The following COMMD7 variants were observed in gnomAD, a reference collection of about 807,000 sequenced individuals.
COMMD7 encodes the protein COMM domain-containing protein 7.
COMMD7 carries 28 observed loss-of-function variants against 34.8 expected under a neutral mutation model. The ratio of observed to expected loss-of-function variants is 0.80; its 90% CI spans 0.60 to 1.10. COMMD7 has a LOEUF of 1.10. Among genes scored for constraint, COMMD7 ranks in the 50% least tolerant of loss-of-function variants. COMMD7 has a pLI of 0.00. For missense variants in COMMD7, 211 were observed against 241.6 expected (o/e 0.87, Z 0.84); for synonymous variants, 80 against 86.4 (o/e 0.93, Z 0.41).
intron 3 of COMMD7, among the ~76,000 whole-genome samples, chr20:32,709,889 CTT>C (rs77153527): frequency 1.1e-4 from 15 of 142,672 alleles, no homozygotes; most frequent in Admixed American, 1.4e-4. Flanking sequence ...TCTTTTTTTA[CTT>C]TTTTTTTTTT....
chr20:32,736,661 C>T (rs1485687003), intron 1 of COMMD7, among the ~76,000 whole-genome samples: 1 of 151,846 alleles, frequency 6.6e-6, no homozygotes, highest in Non-Finnish European at 1.5e-5. Flanking sequence ...TACAGCGAGA[C>T]TCTGACTCAA....
rs1045420882 is a variant in COMMD7, at chr20:32,726,928, C to T, written c.241+965G>A. ...AGAAGCAAACAAATTAAACCCCCAA[C>T]TTCTAATACACTTGAACTGAACCTG... is the stretch of plus-strand genomic sequence containing the variant. On this transcript the variant is annotated intron_variant, in intron 3 of 8. Transcript: ENST00000278980. 2.6e-5 allele frequency among the ~76,000 whole-genome samples: 4 copies of T among 152,116 alleles called. No individual in the cohort carries two copies. The East Asian group carries it at 7.7e-4, about 29-fold the overall frequency.
intron 5 of COMMD7, among the ~76,000 whole-genome samples, chr20:32,705,376 A>ATTT (rs200183828): frequency 4.8e-5 from 6 of 125,452 alleles, no homozygotes; most frequent in South Asian, 2.4e-4. Flanking sequence ...ATATATATAT[A>ATTT]TTTTTTTTTT....
chr20:32,718,402 T>C (rs1248112915), intron 3 of COMMD7, among the ~76,000 whole-genome samples: 1 of 143,596 alleles, frequency 7.0e-6, no homozygotes, highest in African/African-American at 2.6e-5. Flanking sequence ...AAACTCCATC[T>C]AAAAAAAAAA....
At chr20:32,730,624 G>A (rs1041052744) in intron 1 of COMMD7, among the ~76,000 whole-genome samples, 40 of 152,216 alleles carry the variant, frequency 2.6e-4, no homozygotes, top group African/African-American at 9.6e-4. Flanking sequence ...AAACCAGGAT[G>A]CCAGGGTTTA....
intron 1 of COMMD7, among the ~76,000 whole-genome samples, chr20:32,736,656 C>A (rs1423364429): frequency 6.6e-6 from 1 of 151,638 alleles, no homozygotes; most frequent in African/African-American, 2.4e-5. Context: ...GGTGATACAG[C>A]GAGACTCTGA....
intron 3 of COMMD7, among the ~76,000 whole-genome samples, chr20:32,709,672 C>T (rs1354486955): frequency 6.6e-6 from 1 of 152,146 alleles, no homozygotes; most frequent in Non-Finnish European, 1.5e-5. Context: ...TTGTACAACA[C>T]CCTGCATGCT....
At chr20:32,703,770 T>G (rs966253642) in intron 8 of COMMD7, 1 of 1,491,946 alleles carries the variant, frequency 6.7e-7, no homozygotes, top group Middle Eastern at 2.3e-4. Flanking sequence ...ACCTTCTTCT[T>G]CAATCCCAGC....
chr20:32,704,395 C>A, intron 7 of COMMD7, 45 bp downstream of exon 7: 1 of 1,544,756 alleles, frequency 6.5e-7, no homozygotes, highest in South Asian at 1.2e-5. Context: ...AATTTTTAAC[C>A]AAGTCAAAAA....
intron 1 of COMMD7, among the ~76,000 whole-genome samples, chr20:32,730,983 CT>C (rs1470664042): frequency 6.6e-6 from 1 of 152,158 alleles, no homozygotes; most frequent in Admixed American, 6.6e-5. Flanking sequence ...ACACATTAAA[CT>C]CTACACATCT....
chr20:32,739,757 C>T lies in COMMD7; in HGVS notation c.84+3551G>A, dbSNP rs1172960718. On this transcript the variant is annotated intron_variant, in intron 1 of 8. Transcript: ENST00000278980. ...ATCTGACCAGGGGTGGTGGCTCACT[C>T]CTGTAATCCCAGCACTTTGGGGGGC... Among the ~76,000 whole-genome samples the T allele has an allele frequency of 2.1e-5, 3 of 141,680 alleles. 1 individual carries two copies. Among genetic ancestry groups the T allele is most frequent in the African/African-American group, 8.0e-5 (3 of 37,556 alleles). The allele number at this position is 141,680 out of a possible 152,430, so 92.9% of individuals were successfully genotyped here.
chr20:32,717,106 C>A (rs1436425129), intron 3 of COMMD7, among the ~76,000 whole-genome samples: 2 of 152,096 alleles, frequency 1.3e-5, no homozygotes, highest in East Asian at 3.9e-4. Context: ...GCTGGGATTA[C>A]AGGTGTGAGC....
At chr20:32,743,237 T>TTG in intron 1 of COMMD7, 71 bp downstream of exon 1, 1 of 526,960 alleles carries the variant, frequency 1.9e-6, no homozygotes. Context: ...CCCCCGGACG[T>TTG]CCCCCCCACC....
intron 5 of COMMD7, among the ~76,000 whole-genome samples, 199 bp downstream of exon 5, chr20:32,706,383 TG>T (rs1489238218): frequency 6.6e-6 from 1 of 151,382 alleles, no homozygotes; most frequent in African/African-American, 2.4e-5. Context: ...CATGGTGGCA[TG>T]TGCCTGTAGT....
intron 1 of COMMD7, among the ~76,000 whole-genome samples, chr20:32,729,157 G>A (rs984099147): frequency 8.7e-5 from 13 of 149,426 alleles, no homozygotes; most frequent in Admixed American, 2.0e-4. Flanking sequence ...GGCTGGGGGC[G>A]CTTATTTTGA....
Position 32,724,174 on chromosome 20 carries a change from C to T in COMMD7, c.241+3719G>A, listed in dbSNP as rs1360635233. Among the ~76,000 whole-genome samples, 30 of 21,284 alleles carry T rather than the reference C, an allele frequency of 1.4e-3. 1 individual carries two copies. The highest frequency in any genetic ancestry group is 2.6e-3 in the African/African-American group (16 of 6,132). 14.0% of individuals were successfully genotyped at this position (21,284 alleles called of 152,430 possible). On this transcript the variant is annotated intron_variant, in intron 3 of 8. Coordinates refer to ENST00000278980, the MANE Select transcript of COMMD7 (RefSeq NM_053041.3). ...TCAGCCCCCCGCCCGGCCAGCCGCC[C>T]GGTCCGGGAGGTGAGGGGCGCCTCT...
intron 3 of COMMD7, among the ~76,000 whole-genome samples, chr20:32,720,914 C>G (rs914816344): frequency 5.3e-5 from 8 of 152,198 alleles, no homozygotes; most frequent in African/African-American, 1.9e-4. Flanking sequence ...CATTACCTTG[C>G]TTCTAACTAT....
intron 1 of COMMD7, among the ~76,000 whole-genome samples, chr20:32,733,396 C>T (rs1165022903): frequency 3.3e-5 from 5 of 151,638 alleles, no homozygotes; most frequent in Non-Finnish European, 5.9e-5. Context: ...GCCTGGCCAA[C>T]TTAGCCAAAC....
rs565152963 is a variant in COMMD7 at position 32,720,950 on chromosome 20, CCT to C, written c.241+6941_241+6942del. 2.4e-3 allele frequency among the ~76,000 whole-genome samples: 369 copies of C among 152,222 alleles called. 2 individuals carry two copies. The highest frequency in any genetic ancestry group is 8.4e-3 in the African/African-American group (348 of 41,538). On this transcript the variant is annotated intron_variant, in intron 3 of 8. Coordinates refer to ENST00000278980, the MANE Select transcript of COMMD7 (RefSeq NM_053041.3). ...GGCTTAGGAAAGAACAAGACTCGCCCCTGAGTTTGAGGAACTATCTATTAGAG... is the reference window on the plus strand; with the variant it reads ...GGCTTAGGAAAGAACAAGACTCGCCCGAGTTTGAGGAACTATCTATTAGAG...
Sources: gnomAD v4.1 joint callset for allele counts (sites outside exome capture counted in the v4.1 genomes callset) on GRCh38, gnomAD v4.1.1 for gene constraint, MANE v1.5 for transcripts, NCBI Gene and HGNC (gene_info 2026-07-23, HGNC 2026-07-21) for gene names.